DAP3: variants seen among roughly 807,000 people sequenced by gnomAD.
DAP3 encodes small ribosomal subunit protein mS29.
DAP3 carries 28 observed loss-of-function variants against 51.9 expected under a neutral mutation model. The observed-to-expected ratio is 0.54, with a 90% CI of 0.40 to 0.74. The LOEUF is 0.74. Ranked by LOEUF, DAP3 falls within the 30% of genes least tolerant of loss-of-function variation. DAP3 has a pLI of 0.00. For missense variants in DAP3, 458 were observed against 483.5 expected (o/e 0.95, Z 0.49); for synonymous variants, 170 against 170.3 (o/e 1.00, Z 0.01).
chr1:155,727,135 C>T (rs1658693490), intron 6 of DAP3: 1 of 152,420 alleles, frequency 6.6e-6, no homozygotes, highest in African/African-American at 2.4e-5. Context: ...ATTGTCAAAA[C>T]TTGCATTTGT....
intron 1 of DAP3, among the ~76,000 whole-genome samples, chr1:155,709,355 A>G (rs1413924550): frequency 6.6e-6 from 1 of 152,048 alleles, no homozygotes; most frequent in Admixed American, 6.6e-5. Context: ...TTTGTTGCTG[A>G]GGCCAGTCTT....
At chr1:155,708,432 G>A (rs1656258991) in intron 1 of DAP3, among the ~76,000 whole-genome samples, 1 of 151,614 alleles carries the variant, frequency 6.6e-6, no homozygotes, top group South Asian at 2.1e-4. Context: ...CAAAGATAGT[G>A]TATTTATACT....
At chr1:155,689,212 G>T (rs1653289302) in intron 1 of DAP3, 38 bp downstream of exon 1, 1 of 704,116 alleles carries the variant, frequency 1.4e-6, no homozygotes, top group Non-Finnish European at 2.6e-6. Flanking sequence ...GTACCGCTGA[G>T]GGAAAGGAGC....
intron 7 of DAP3, among the ~76,000 whole-genome samples, chr1:155,728,825 A>C (rs1203714630): frequency 6.6e-6 from 1 of 151,422 alleles, no homozygotes; most frequent in Non-Finnish European, 1.5e-5. Flanking sequence ...ATGCCACTGC[A>C]CTTCAGCCTG....
At chr1:155,701,301 GACATGGGAGACTTTTCATTTTGTTCTGC>G (rs1458008726) in intron 1 of DAP3, among the ~76,000 whole-genome samples, 1 of 86,116 alleles carries the variant, frequency 1.2e-5, no homozygotes, top group African/African-American at 7.6e-5. Flanking sequence ...GAAAGAAGTA[GACATGGGAGACTTTTCATTTTGTTCTGC>G]ACTAAGAAAA....
upstream of DAP3, chr1:155,687,999 C>A (rs1558321722): frequency 2.7e-6 from 4 of 1,479,884 alleles, no homozygotes; most frequent in East Asian, 6.9e-5. Flanking sequence ...GACAGTGGCT[C>A]CCAGAAAGCC....
chr1:155,714,615 A>C (rs1657109963), intron 2 of DAP3, among the ~76,000 whole-genome samples: 1 of 152,042 alleles, frequency 6.6e-6, no homozygotes, highest in Non-Finnish European at 1.5e-5. Context: ...AAATACAAAA[A>C]TTAGTCAGGC....
intron 8 of DAP3, 27 bp from the exon 9 acceptor site, chr1:155,729,172 TCTGGTAGCA>T (rs1658938850): frequency 6.2e-7 from 1 of 1,613,972 alleles, no homozygotes; most frequent in Non-Finnish European, 8.5e-7. Context: ...AGAGAAGGCC[TCTGGTAGCA>T]CTACAATCCA....
At chr1:155,693,967 AAAAG>A (rs1319121607) in intron 1 of DAP3, among the ~76,000 whole-genome samples, 2 of 141,468 alleles carry the variant, frequency 1.4e-5, no homozygotes, top group East Asian at 1.9e-4. Flanking sequence ...CTCTCAAAAA[AAAAG>A]AAAGAAAAAA....
chr1:155,698,921 C>G (rs1309498416), intron 1 of DAP3, among the ~76,000 whole-genome samples: 2 of 152,214 alleles, frequency 1.3e-5, no homozygotes, highest in Non-Finnish European at 2.9e-5. Flanking sequence ...TCCTCCATTT[C>G]ACACGCTTGA....
At chr1:155,704,938 C>T (rs1655756079) in intron 1 of DAP3, among the ~76,000 whole-genome samples, 1 of 151,980 alleles carries the variant, frequency 6.6e-6, no homozygotes. Flanking sequence ...GAGATCATGC[C>T]ACTGCACTCC....
intron 4 of DAP3, among the ~76,000 whole-genome samples, chr1:155,722,670 T>A (rs1391980709): frequency 6.6e-6 from 1 of 151,914 alleles, no homozygotes; most frequent in Non-Finnish European, 1.5e-5. Flanking sequence ...GAAAAACATT[T>A]AGTCATGTGT....
chr1:155,718,875 A>C (rs1657663001), intron 3 of DAP3, among the ~76,000 whole-genome samples: 1 of 152,178 alleles, frequency 6.6e-6, no homozygotes, highest in South Asian at 2.1e-4. Flanking sequence ...CAGTCCTTTT[A>C]TCTGCCAATT....
intron 2 of DAP3, among the ~76,000 whole-genome samples, chr1:155,715,752 A>C (rs1557779719): frequency 6.6e-6 from 1 of 151,942 alleles, no homozygotes; most frequent in African/African-American, 2.4e-5. Flanking sequence ...TTTTTCACTT[A>C]CCATTTTGTT....
At chr1:155,689,877 A>G (rs535394205) in intron 1 of DAP3, among the ~76,000 whole-genome samples, 1 of 151,456 alleles carries the variant, frequency 6.6e-6, no homozygotes, top group African/African-American at 2.4e-5. Flanking sequence ...GCGCCACTGC[A>G]CTCCAGCCTG....
intron 11 of DAP3, among the ~76,000 whole-genome samples, chr1:155,734,402 G>T (rs1404237224): frequency 6.6e-6 from 1 of 151,688 alleles, no homozygotes; most frequent in East Asian, 1.9e-4. Flanking sequence ...GTCTTGAACT[G>T]CTAGCCTCAG....
In DAP3 at chr1:155,709,753, T is replaced by C. The variant is rs1571481783; in HGVS notation, c.-7-20T>C. 2 of 330,618 alleles carry C rather than the reference T, an allele frequency of 6.0e-6. No homozygotes were observed. The highest frequency in any genetic ancestry group is 6.1e-5 in the South Asian group (1 of 16,344). The allele number at this position is 330,618 out of a possible 1,614,324, so 20.5% of individuals were successfully genotyped here. ...TCCCATTTGTGGTTTACCTTTTCACTTTTTTTTTTTTTGTAACAGTGCAAG... is the reference window on the plus strand; with the variant it reads ...TCCCATTTGTGGTTTACCTTTTCACCTTTTTTTTTTTTGTAACAGTGCAAG... On this transcript the variant is annotated intron_variant, in intron 1 of 12. Coordinates refer to ENST00000368336, the MANE Select transcript of DAP3 (RefSeq NM_004632.4).
intron 1 of DAP3, among the ~76,000 whole-genome samples, chr1:155,704,805 C>A (rs1655739792): frequency 6.7e-6 from 1 of 150,330 alleles, no homozygotes; most frequent in South Asian, 2.1e-4. Context: ...CATGGCGAAA[C>A]CCTGTATCTA....
In DAP3 at chr1:155,718,765, G is replaced by GAT. The variant is rs146424444; in HGVS notation, c.168+1649_168+1650dup. On this transcript the variant is annotated intron_variant, in intron 3 of 12. Transcript: ENST00000368336. ...ATAGATAGATATAGATATAGATGAA[G>GAT]ATATATATATATACCATTCACCTCT... is the stretch of plus-strand genomic sequence containing the variant. 1.7e-3 allele frequency among the ~76,000 whole-genome samples: 254 copies of GAT among 149,868 alleles called. 2 individuals carry two copies. The highest frequency in any genetic ancestry group is 7.4e-3 in the East Asian group (38 of 5,150).
Sources: allele counts gnomAD v4.1 joint callset (sites outside exome capture counted in the v4.1 genomes callset), GRCh38; gene constraint gnomAD v4.1.1; transcripts MANE v1.5; gene names NCBI Gene and HGNC (gene_info 2026-07-23, HGNC 2026-07-21).